AFG1L: variants seen among roughly 807,000 people sequenced by gnomAD.
AFG1L encodes the protein AFG1-like ATPase.
In AFG1L, 53 loss-of-function variants were observed where a neutral mutation model predicts 62.2. The ratio of observed to expected loss-of-function variants is 0.85; its 90% CI spans 0.68 to 1.07. The LOEUF is 1.07. Ranked by LOEUF, AFG1L falls within the 50% of genes least tolerant of loss-of-function variation. The pLI is 0.00. For synonymous variants in AFG1L, 228 were observed against 210.3 expected, an observed-to-expected ratio of 1.08 and a Z score of -0.73; for missense variants, 555 against 590.5, an observed-to-expected ratio of 0.94 and a Z score of 0.62.
At chr6:108,407,679 T>C (rs1001134008) in intron 7 of AFG1L, among the ~76,000 whole-genome samples, 2 of 130,352 alleles carry the variant, frequency 1.5e-5, no homozygotes, top group Non-Finnish European at 3.2e-5. Context: ...AGCAATACCC[T>C]GTCTCTGGAA....
chr6:108,356,643 A>G, intron 4 of AFG1L, 47 bp from the exon 5 acceptor site: 2 of 1,330,014 alleles, frequency 1.5e-6, no homozygotes, highest in Non-Finnish European at 2.0e-6. Flanking sequence ...ATAATTGTCT[A>G]AAAAGTACTA....
At position 108,311,421 on chromosome 6, in the gene AFG1L, C is replaced by T. The variant is rs188183105; in HGVS notation, c.140-12404C>T. Among the ~76,000 whole-genome samples the T allele has an allele frequency of 2.6e-5, 4 of 152,316 alleles. No homozygotes were observed. The East Asian group carries it at 5.8e-4, about 22-fold the overall frequency. On this transcript the variant is annotated intron_variant, in intron 1 of 12. Transcript: ENST00000368977. ...GCCCTGTGATCTTACAGCATCTGCCCGTTCCCCTTATGACATACCATACAC... is the reference window on the plus strand; with the variant it reads ...GCCCTGTGATCTTACAGCATCTGCCTGTTCCCCTTATGACATACCATACAC...
Position 108,356,791 on chromosome 6 carries a change from G to A in AFG1L, c.619G>A (p.Ala207Thr), listed in dbSNP as rs12374616. Residue 207 changes from alanine to threonine, a missense_variant, in exon 5 of 13, where the codon GCA becomes ACA. Transcript: ENST00000368977. Reference sequence around the variant, plus strand: ...CATAGCCGAAGAAATCAGCGAAGAAGCATGTCTCCTATGTTTTGATGAATT... The same window carrying A: ...CATAGCCGAAGAAATCAGCGAAGAAACATGTCTCCTATGTTTTGATGAATT... ...APIAEEISEE[A>T]CLLCFDEFQV... 10 of 1,613,380 alleles carry A rather than the reference G, an allele frequency of 6.2e-6. No individual in the cohort carries two copies. Among genetic ancestry groups the A allele is most frequent in the Non-Finnish European group, 8.5e-6 (10 of 1,179,666 alleles).
intron 8 of AFG1L, among the ~76,000 whole-genome samples, chr6:108,472,354 G>T (rs1423617514): frequency 3.9e-5 from 6 of 152,068 alleles, no homozygotes; most frequent in Admixed American, 3.9e-4. Context: ...CTGGAAATTT[G>T]CTAAAAGAAT....
At position 108,460,684 on chromosome 6, in the gene AFG1L, G is replaced by A. The variant is rs565960872; in HGVS notation, c.890+13388G>A. 5.3e-5 allele frequency among the ~76,000 whole-genome samples: 8 copies of A among 152,248 alleles called. No individual in the cohort carries two copies. The South Asian group carries it at 6.2e-4, about 12-fold the overall frequency. ...TGGGCTCAAGAAGTCCTGGCCAGGC[G>A]TGGTGGCTCACGCCTGTAATCCCAG... On this transcript the variant is annotated intron_variant, in intron 8 of 12. Transcript: ENST00000368977.
intron 7 of AFG1L, among the ~76,000 whole-genome samples, chr6:108,403,343 A>T (rs1582528262): frequency 6.6e-6 from 1 of 152,320 alleles, no homozygotes; most frequent in East Asian, 1.9e-4. Flanking sequence ...ACCTTCAGAC[A>T]TGCTAAAGAC....
At chr6:108,399,632 T>A (rs912790507) in intron 6 of AFG1L, among the ~76,000 whole-genome samples, 1 of 151,604 alleles carries the variant, frequency 6.6e-6, no homozygotes, top group Non-Finnish European at 1.5e-5. Flanking sequence ...TTTTGTGTCC[T>A]GCAACTTTAC....
intron 2 of AFG1L, among the ~76,000 whole-genome samples, chr6:108,326,407 C>T (rs1050283655): frequency 1.2e-4 from 19 of 152,074 alleles, no homozygotes; most frequent in Non-Finnish European, 2.2e-4. Flanking sequence ...GCTTATTTTC[C>T]CTGGTCATCA....
chr6:108,436,530 T>C (rs1490716659), intron 7 of AFG1L, among the ~76,000 whole-genome samples: 8 of 152,174 alleles, frequency 5.3e-5, no homozygotes, highest in Non-Finnish European at 1.0e-4. Flanking sequence ...CCTTACTCAG[T>C]GAGCACAGGA....
chr6:108,418,084 G>A (rs968578172), intron 7 of AFG1L, among the ~76,000 whole-genome samples: 4 of 151,948 alleles, frequency 2.6e-5, no homozygotes, highest in Non-Finnish European at 4.4e-5. Flanking sequence ...CACCTGCCTC[G>A]GCCTCCCAAA....
At chr6:108,420,790 T>C (rs890064059) in intron 7 of AFG1L, among the ~76,000 whole-genome samples, 2 of 152,124 alleles carry the variant, frequency 1.3e-5, no homozygotes, top group Non-Finnish European at 2.9e-5. Context: ...AAACAAGCTA[T>C]TGCTTACATG....
intron 8 of AFG1L, among the ~76,000 whole-genome samples, chr6:108,463,759 T>C (rs1356599382): frequency 3.3e-5 from 5 of 152,214 alleles, no homozygotes; most frequent in South Asian, 2.1e-4. Context: ...CTTTGAGTGA[T>C]TGAGAAGATA....
intron 1 of AFG1L, among the ~76,000 whole-genome samples, chr6:108,310,720 G>A (rs1390788942): frequency 5.9e-5 from 9 of 151,782 alleles, no homozygotes; most frequent in Admixed American, 5.3e-4. Flanking sequence ...GAGTACAGGC[G>A]TGTGCCACCA....
At chr6:108,337,312 T>A (rs1206237867) in intron 2 of AFG1L, among the ~76,000 whole-genome samples, 1 of 152,234 alleles carries the variant, frequency 6.6e-6, no homozygotes, top group African/African-American at 2.4e-5. Context: ...GTGCCTCAAT[T>A]TGAGAACTTC....
At chr6:108,339,969 G>T (rs1467726993) in intron 2 of AFG1L, among the ~76,000 whole-genome samples, 1 of 151,936 alleles carries the variant, frequency 6.6e-6, no homozygotes, top group African/African-American at 2.4e-5. Flanking sequence ...ATTCTGTTGT[G>T]CTATCAAATA....
intron 7 of AFG1L, among the ~76,000 whole-genome samples, chr6:108,407,124 G>C (rs940288271): frequency 2.6e-5 from 4 of 152,012 alleles, no homozygotes; most frequent in Non-Finnish European, 4.4e-5. Context: ...AGTGGTGTTG[G>C]GATTCCTCAT....
At chr6:108,412,701 A>G (rs546606660) in intron 7 of AFG1L, among the ~76,000 whole-genome samples, 1 of 152,362 alleles carries the variant, frequency 6.6e-6, no homozygotes, top group African/African-American at 2.4e-5. Flanking sequence ...AATCCTTTAC[A>G]GACAAACAAC....
At chr6:108,403,561 A>AT (rs1254802744) in intron 7 of AFG1L, among the ~76,000 whole-genome samples, 1 of 152,082 alleles carries the variant, frequency 6.6e-6, no homozygotes, top group Non-Finnish European at 1.5e-5. Context: ...TTTTCCCTTT[A>AT]TATTCATGCT....
chr6:108,505,644 A>T (rs931852980), intron 10 of AFG1L, among the ~76,000 whole-genome samples: 10 of 152,148 alleles, frequency 6.6e-5, no homozygotes, highest in Admixed American at 5.9e-4. Flanking sequence ...ATAAAAAGAG[A>T]CATCTCAACC....
Sources: gnomAD v4.1 joint callset for allele counts (sites outside exome capture counted in the v4.1 genomes callset) on GRCh38, gnomAD v4.1.1 for gene constraint, MANE v1.5 for transcripts, NCBI Gene and HGNC (gene_info 2026-07-23, HGNC 2026-07-21) for gene names.